Variants in PDE3B observed in about 807,000 individuals in gnomAD.
PDE3B encodes phosphodiesterase 3B, also known as cGMP-inhibited 3',5'-cyclic phosphodiesterase 3B.
PDE3B carries 66 observed loss-of-function variants against 116.8 expected under a neutral mutation model. The ratio of observed to expected loss-of-function variants is 0.56; its 90% confidence interval spans 0.46 to 0.69. The LOEUF (loss-of-function observed/expected upper bound fraction) is 0.69. Ranked by LOEUF, PDE3B falls within the 30% of genes least tolerant of loss-of-function variation. The pLI is 0.00. For synonymous variants in PDE3B, 595 were observed against 533.6 expected (o/e 1.12, Z -1.59); for missense variants, 1,384 against 1,368.1 (o/e 1.01, Z -0.18).
chr11:14,741,358 C>T (rs1023867874), intron 1 of PDE3B, among the ~76,000 whole-genome samples: 1 of 151,918 alleles, frequency 6.6e-6, no homozygotes, highest in Non-Finnish European at 1.5e-5. Flanking sequence ...TTATGTAATG[C>T]CCTTCTTTGT....
At chr11:14,824,756 A>G (rs1279164803) in intron 7 of PDE3B, among the ~76,000 whole-genome samples, 1 of 152,224 alleles carries the variant, frequency 6.6e-6, no homozygotes, top group Non-Finnish European at 1.5e-5. Flanking sequence ...TAGAGAGGCC[A>G]ACACCCAAAC....
At chr11:14,878,637 A>C in the PDE3B span, among the ~76,000 whole-genome samples, 1 of 152,128 alleles carries the variant, frequency 6.6e-6, no homozygotes, top group Non-Finnish European at 1.5e-5. Context: ...CATTTCAACT[A>C]AGTGTGTATT....
At chr11:14,878,943 A>G in the PDE3B span, among the ~76,000 whole-genome samples, 21 of 152,272 alleles carry the variant, frequency 1.4e-4, no homozygotes, top group Non-Finnish European at 2.8e-4. Context: ...TTAAGCCGAA[A>G]CAGATGTTAA....
chr11:14,657,315 A>G (rs1241155479), intron 1 of PDE3B, among the ~76,000 whole-genome samples: 1 of 152,204 alleles, frequency 6.6e-6, no homozygotes, highest in Non-Finnish European at 1.5e-5. Flanking sequence ...GGAAACAGAA[A>G]GAAGAGAAAC....
chr11:14,833,463 ATCTT>A (rs1565157237), intron 10 of PDE3B, among the ~76,000 whole-genome samples: 2 of 152,164 alleles, frequency 1.3e-5, no homozygotes, highest in Non-Finnish European at 2.9e-5. Context: ...TACAGTATAC[ATCTT>A]TCTATTTTTA....
the PDE3B span, chr11:14,887,735 G>A: frequency 1.5e-6 from 1 of 663,290 alleles, no homozygotes; most frequent in Non-Finnish European, 1.9e-6. Context: ...CATCCTTCAA[G>A]TGGTTGAGGC....
At chr11:14,897,284 TG>T in the PDE3B span, among the ~76,000 whole-genome samples, 3 of 152,206 alleles carry the variant, frequency 2.0e-5, no homozygotes, top group Non-Finnish European at 2.9e-5. Flanking sequence ...AAATGTTCTT[TG>T]GGAGCCCTAA....
At chr11:14,741,609 G>C (rs1290161238) in intron 1 of PDE3B, among the ~76,000 whole-genome samples, 2 of 152,066 alleles carry the variant, frequency 1.3e-5, no homozygotes, top group Admixed American at 1.3e-4. Context: ...ATATTGTTAA[G>C]TGTGAATTTG....
chr11:14,797,996 C>G (rs1858610751), intron 4 of PDE3B, among the ~76,000 whole-genome samples: 1 of 152,140 alleles, frequency 6.6e-6, no homozygotes. Flanking sequence ...GGAGGGCATC[C>G]TTGTCTTGTG....
chr11:14,776,415 A>T (rs1857786673), intron 2 of PDE3B: 1 of 151,812 alleles, frequency 6.6e-6, no homozygotes, highest in Non-Finnish European at 1.5e-5. Flanking sequence ...TCACCTGGAG[A>T]CTCCTTTCTC....
At chr11:14,677,586 A>G (rs948764223) in intron 1 of PDE3B, among the ~76,000 whole-genome samples, 1 of 152,178 alleles carries the variant, frequency 6.6e-6, no homozygotes, top group African/African-American at 2.4e-5. Flanking sequence ...GTATGGTTCT[A>G]TGAATTTTAC....
intron 1 of PDE3B, among the ~76,000 whole-genome samples, chr11:14,757,685 T>C (rs1213454372): frequency 4.5e-5 from 6 of 132,936 alleles, no homozygotes; most frequent in Admixed American, 7.8e-5. Context: ...TTGAGTTCAT[T>C]GTAGATTCTG....
At chr11:14,655,741 CTTGA>C (rs1565075233) in intron 1 of PDE3B, among the ~76,000 whole-genome samples, 4 of 152,156 alleles carry the variant, frequency 2.6e-5, no homozygotes, top group African/African-American at 7.2e-5. Flanking sequence ...TTATATAAGA[CTTGA>C]TTAAGTAGAG....
intron 1 of PDE3B, among the ~76,000 whole-genome samples, chr11:14,756,435 CT>C (rs1177811139): frequency 6.6e-6 from 1 of 152,152 alleles, no homozygotes; most frequent in Non-Finnish European, 1.5e-5. Flanking sequence ...GGAGCTGTGG[CT>C]TTTGGTGGAG....
intron 2 of PDE3B, among the ~76,000 whole-genome samples, chr11:14,783,245 C>A (rs1417055240): frequency 2.6e-5 from 4 of 152,190 alleles, no homozygotes; most frequent in African/African-American, 9.6e-5. Flanking sequence ...TTGACCCAGC[C>A]ATCCCATTAC....
chr11:14,690,940 G>T (rs1403679946), intron 1 of PDE3B, among the ~76,000 whole-genome samples: 1 of 152,126 alleles, frequency 6.6e-6, no homozygotes, highest in Non-Finnish European at 1.5e-5. Context: ...ATGTGTGCAT[G>T]CTTCAAAGGT....
At chr11:14,761,019 G>A (rs1417591670) in intron 1 of PDE3B, among the ~76,000 whole-genome samples, 1 of 151,828 alleles carries the variant, frequency 6.6e-6, no homozygotes, top group East Asian at 1.9e-4. Flanking sequence ...TTCCTTCTAG[G>A]ATTTTTTTTT....
At chr11:14,707,725 T>G (rs914573682) in intron 1 of PDE3B, among the ~76,000 whole-genome samples, 1 of 152,064 alleles carries the variant, frequency 6.6e-6, no homozygotes, top group Non-Finnish European at 1.5e-5. Context: ...TTCTTTAGAC[T>G]TCTTCTTTGA....
chr11:14,872,508 G>C (rs1848154220), downstream of PDE3B, among the ~76,000 whole-genome samples: 1 of 152,202 alleles, frequency 6.6e-6, no homozygotes, highest in East Asian at 1.9e-4. Context: ...GGGAGTGGTA[G>C]AGAGATGGTG....
Sources: allele counts gnomAD v4.1 joint callset (sites outside exome capture counted in the v4.1 genomes callset), GRCh38; gene constraint gnomAD v4.1.1; transcripts MANE v1.5; gene names NCBI Gene and HGNC (gene_info 2026-07-23, HGNC 2026-07-21).